The following TMEM131 variants were observed in gnomAD, a reference collection of about 807,000 sequenced individuals.
The protein encoded by TMEM131 is 2610524E03Rik.
TMEM131 carries 66 observed loss-of-function variants against 211.6 expected under a neutral mutation model. The observed-to-expected ratio is 0.31, with a 90% CI of 0.26 to 0.38. The LOEUF is 0.38. TMEM131 is among the 10% of genes least tolerant of loss of function. TMEM131 has a pLI of 1.00. For synonymous variants in TMEM131, 844 were observed against 841.3 expected (o/e 1.00, Z -0.06); for missense variants, 2,036 against 2,299.3 (o/e 0.89, Z 2.34).
chr2:97,894,856 CTTTA>C (rs1304901615), intron 3 of TMEM131, among the ~76,000 whole-genome samples: 2 of 152,108 alleles, frequency 1.3e-5, no homozygotes, highest in African/African-American at 2.4e-5. Flanking sequence ...TTTGAATACT[CTTTA>C]TTTCTTTCTC....
At chr2:97,947,984 A>G (rs1348657545) in intron 1 of TMEM131, among the ~76,000 whole-genome samples, 2 of 152,202 alleles carry the variant, frequency 1.3e-5, no homozygotes, top group African/African-American at 4.8e-5. Context: ...GCCACATGGG[A>G]AAGAAAAACA....
intron 1 of TMEM131, among the ~76,000 whole-genome samples, chr2:97,940,115 G>A (rs1677648568): frequency 6.6e-6 from 1 of 152,126 alleles, no homozygotes; most frequent in Admixed American, 6.5e-5. Context: ...ACTGGCACAA[G>A]ACAGGGATGC....
intron 1 of TMEM131, among the ~76,000 whole-genome samples, chr2:97,993,137 G>A (rs1680335984): frequency 6.6e-6 from 1 of 152,206 alleles, no homozygotes; most frequent in South Asian, 2.1e-4. Context: ...ATTTTGCAGT[G>A]AAATTATACA....
chr2:97,901,638 T>A (rs1257974410), intron 3 of TMEM131, among the ~76,000 whole-genome samples: 1 of 152,156 alleles, frequency 6.6e-6, no homozygotes, highest in African/African-American at 2.4e-5. Flanking sequence ...TTCAGCAACA[T>A]AGATGGAACT....
In TMEM131 at chr2:97,759,570, T is replaced by A. The variant is rs766545728; in HGVS notation, c.5206+82A>T. 4.9e-5 allele frequency: 59 copies of A among 1,198,448 alleles called. No homozygotes were observed. The Middle Eastern group carries it at 1.0e-3, about 21-fold the overall frequency. The allele number at this position is 1,198,448 out of a possible 1,614,324, so 74.2% of individuals were successfully genotyped here. On this transcript the variant is annotated intron_variant, in intron 39 of 40. Transcript: ENST00000186436. ...CTTCCACAGTGCTGCTGTGCTGTGT[T>A]CTCCAGCACACAAAACCACACCTCC...
At chr2:97,836,069 A>T (rs755349585) in intron 8 of TMEM131, among the ~76,000 whole-genome samples, 1 of 152,250 alleles carries the variant, frequency 6.6e-6, no homozygotes, top group Non-Finnish European at 1.5e-5. Context: ...ATTGTTTTAT[A>T]GATGATTTTT....
At chr2:97,821,079 G>T (rs868098985) in intron 11 of TMEM131, among the ~76,000 whole-genome samples, 4 of 152,282 alleles carry the variant, frequency 2.6e-5, no homozygotes, top group African/African-American at 9.6e-5. Context: ...TACTGAATAT[G>T]ATCCAGCAAC....
intron 1 of TMEM131, among the ~76,000 whole-genome samples, chr2:97,930,261 GGCT>G (rs1309248216): frequency 6.6e-6 from 1 of 151,818 alleles, no homozygotes; most frequent in African/African-American, 2.4e-5. Context: ...AGCTATAGGT[GGCT>G]GCTATTAAGA....
Position 97,766,465 on chromosome 2 carries a change from A to C in TMEM131, c.4573+13T>G. 1 of 1,613,982 alleles carries C rather than the reference A, an allele frequency of 6.2e-7. No individual in the cohort carries two copies. Among genetic ancestry groups the C allele is most frequent in the Non-Finnish European group, 8.5e-7 (1 of 1,179,880 alleles). On this transcript the variant is annotated intron_variant, in intron 34 of 40. Transcript: ENST00000186436. ...TCCGTAAGACATGATCATAGAGAACAAGATGACAATACCTTTTGTTTTCTG... is the reference window on the plus strand; with the variant it reads ...TCCGTAAGACATGATCATAGAGAACCAGATGACAATACCTTTTGTTTTCTG...
Position 97,812,622 on chromosome 2 carries a change from T to TA in TMEM131, c.1728+16dup. The TA allele has an allele frequency of 6.3e-7, 1 of 1,582,084 alleles. No individual in the cohort carries two copies. The highest frequency in any genetic ancestry group is 8.6e-7 in the Non-Finnish European group (1 of 1,167,512). On this transcript the variant is annotated intron_variant, in intron 16 of 40. Coordinates refer to ENST00000186436, the MANE Select transcript of TMEM131 (RefSeq NM_015348.2). ...TAAAATCCTTAAATGTGATTTAGAA[T>TA]AAAAACAGGTTTTTACCTCAATTGG...
chr2:97,971,071 T>A (rs1188647839), intron 1 of TMEM131, among the ~76,000 whole-genome samples: 2 of 152,208 alleles, frequency 1.3e-5, no homozygotes, highest in African/African-American at 4.8e-5. Context: ...TTTAAACATA[T>A]GAAGAAGATG....
Position 97,906,271 on chromosome 2 carries a change from C to G in TMEM131, c.290+2387G>C, listed in dbSNP as rs542416899. ...GTATTTTGTTATAGCATCCTGGACT[C>G]ACTAAGACATGTTTTAGGGCTTAAC... On this transcript the variant is annotated intron_variant, in intron 3 of 40. Coordinates refer to ENST00000186436, the MANE Select transcript of TMEM131 (RefSeq NM_015348.2). Among the ~76,000 whole-genome samples the G allele has an allele frequency of 9.2e-5, 14 of 152,252 alleles. No homozygotes were observed. The South Asian group carries it at 2.3e-3, about 25-fold the overall frequency.
intron 1 of TMEM131, among the ~76,000 whole-genome samples, chr2:97,942,906 G>A (rs1266264501): frequency 6.6e-6 from 1 of 150,778 alleles, no homozygotes; most frequent in African/African-American, 2.4e-5. Flanking sequence ...AGGATCATTT[G>A]AGCCTAGGAG....
chr2:97,783,554 G>A (rs762684288), intron 31 of TMEM131, among the ~76,000 whole-genome samples: 28 of 152,036 alleles, frequency 1.8e-4, no homozygotes, highest in Admixed American at 7.8e-4. Context: ...CACTTGCAAT[G>A]GTAAAATGAT....
chr2:97,812,738 C>A lies in TMEM131; in HGVS notation c.1629G>T (p.Leu543Phe). The part of the protein sequence containing the change: ...VYTGFLDYFV[L>F]PPKIEERFID... ...TGAAACGTTCCTCTATTTTGGGGGG[C>A]AATACAAAGTACTGGAAAGATATAA... is the stretch of plus-strand genomic sequence containing the variant. Residue 543 changes from leucine (L) to phenylalanine (F), a missense_variant, in exon 16 of 41, where the codon TTG becomes TTT. Leu to Phe is a conservative substitution (Grantham distance 22). Around this residue, in one of 3 missense-constraint regions of TMEM131, gnomAD observed 1,623 missense variants for 1,805.9 expected, o/e 0.90. Coordinates refer to ENST00000186436, the MANE Select transcript of TMEM131 (RefSeq NM_015348.2). 1 of 1,566,308 alleles carries A rather than the reference C, an allele frequency of 6.4e-7. No individual in the cohort carries two copies. The highest frequency in any genetic ancestry group is 2.0e-5 in the Admixed American group (1 of 50,854).
At chr2:97,809,561 G>A in intron 19 of TMEM131, 127 bp downstream of exon 19, 1 of 687,552 alleles carries the variant, frequency 1.5e-6, no homozygotes, top group Non-Finnish European at 2.5e-6. Context: ...AAAGAACCTG[G>A]TATAATGTCT....
chr2:97,760,439 G>A, intron 38 of TMEM131, 154 bp downstream of exon 38: 1 of 724,262 alleles, frequency 1.4e-6, no homozygotes, highest in Non-Finnish European at 2.3e-6. Flanking sequence ...CCACCCAGCA[G>A]ACATGATTTC....
chr2:97,868,565 C>T (rs1039423777), intron 4 of TMEM131, among the ~76,000 whole-genome samples: 1 of 152,126 alleles, frequency 6.6e-6, no homozygotes, highest in Non-Finnish European at 1.5e-5. Context: ...TAGGATCCCA[C>T]AGGAGAGTTT....
chr2:97,962,330 C>T (rs1016170931), intron 1 of TMEM131, among the ~76,000 whole-genome samples: 2 of 152,114 alleles, frequency 1.3e-5, no homozygotes, highest in Admixed American at 6.5e-5. Context: ...GGTGAAACTC[C>T]ATCTCTACTA....
Sources: gnomAD v4.1 joint callset for allele counts (sites outside exome capture counted in the v4.1 genomes callset) on GRCh38, gnomAD v4.1.1 for gene constraint, gnomAD v4.1.1 regional missense constraint, MANE v1.5 for transcripts, NCBI Gene and HGNC (gene_info 2026-07-23, HGNC 2026-07-21) for gene names.